SLC8A3: variants seen among roughly 807,000 people sequenced by gnomAD.
SLC8A3 encodes the protein solute carrier family 8 member A3, also known as sodium/calcium exchanger 3.
SLC8A3 carries 37 observed loss-of-function variants against 65.4 expected under a neutral mutation model. That is an observed-to-expected ratio of 0.57 (90% CI 0.44 to 0.74). SLC8A3 has a LOEUF of 0.74. Ranked by LOEUF, SLC8A3 falls within the 30% of genes least tolerant of loss-of-function variation. SLC8A3 has a pLI of 0.00. For missense variants in SLC8A3, 1,112 were observed against 1,172.1 expected, an observed-to-expected ratio of 0.95 and a Z score of 0.75; for synonymous variants, 461 against 444.5, an observed-to-expected ratio of 1.04 and a Z score of -0.47.
intron 2 of SLC8A3, among the ~76,000 whole-genome samples, chr14:70,145,195 A>G (rs1895850949): frequency 1.3e-5 from 2 of 152,184 alleles, no homozygotes; most frequent in African/African-American, 4.8e-5. Context: ...CCCTCTTTCA[A>G]TTTCTTTTTT....
intron 2 of SLC8A3, among the ~76,000 whole-genome samples, chr14:70,090,026 A>G (rs2140053220): frequency 1.3e-5 from 2 of 151,696 alleles, no homozygotes; most frequent in East Asian, 3.9e-4. Context: ...TTTCTCCTGT[A>G]ACTACCCTTT....
chr14:70,109,179 C>T (rs2140134997), intron 2 of SLC8A3, among the ~76,000 whole-genome samples: 2 of 143,896 alleles, frequency 1.4e-5, no homozygotes, highest in East Asian at 2.0e-4. Context: ...AGCACAGTTA[C>T]TGGCATGCAG....
chr14:70,167,649 G>A lies in SLC8A3; in HGVS notation c.774C>T (p.Tyr258=), dbSNP rs760430449. The change falls in exon 2 of 7, where the codon TAC becomes TAT. Residue 258 remains tyrosine (Y), a synonymous_variant. Coordinates refer to ENST00000356921, the MANE Select transcript of SLC8A3 (RefSeq NM_182932.3). ...AWVADKRLLF[Y]KYMHKKYRTD... ...TGCGGTACTTTTTGTGCATGTATTT[G>A]TAGAAGAGCAGTCGTTTATCTGCCA... The A allele has an allele frequency of 7.4e-6, 12 of 1,614,008 alleles. No individual in the cohort carries two copies. Among genetic ancestry groups the A allele is most frequent in the Non-Finnish European group, 1.7e-6 (2 of 1,180,040 alleles).
chr14:70,077,339 T>C (rs922612096), intron 2 of SLC8A3, among the ~76,000 whole-genome samples: 2 of 152,196 alleles, frequency 1.3e-5, no homozygotes, highest in Non-Finnish European at 2.9e-5. Context: ...TTAAGTGGGA[T>C]CATCTTTGCA....
At chr14:70,047,035 G>A (rs1238643638) in intron 6 of SLC8A3, 1 of 152,164 alleles carries the variant, frequency 6.6e-6, no homozygotes, top group Non-Finnish European at 1.5e-5. Context: ...AGGTCACATA[G>A]GATGTTAGCA....
chr14:70,049,884 G>A (rs1887278338), intron 5 of SLC8A3, among the ~76,000 whole-genome samples: 1 of 152,234 alleles, frequency 6.6e-6, no homozygotes, highest in African/African-American at 2.4e-5. Context: ...AAAGCAGGAT[G>A]GGCCTTGATT....
At chr14:70,101,269 G>T (rs1310967019) in intron 2 of SLC8A3, among the ~76,000 whole-genome samples, 3 of 152,170 alleles carry the variant, frequency 2.0e-5, no homozygotes, top group African/African-American at 7.2e-5. Flanking sequence ...TATGTGATGG[G>T]GGATGAAATA....
intron 2 of SLC8A3, among the ~76,000 whole-genome samples, chr14:70,093,734 A>G (rs1184396728): frequency 2.0e-5 from 3 of 151,884 alleles, no homozygotes; most frequent in African/African-American, 7.3e-5. Flanking sequence ...TGTCCTCTTG[A>G]CTCAATTGTC....
chr14:70,057,374 G>T (rs977120050), intron 3 of SLC8A3, among the ~76,000 whole-genome samples: 21 of 152,192 alleles, frequency 1.4e-4, no homozygotes, highest in African/African-American at 5.1e-4. Context: ...CCGGGAGTTT[G>T]CGTGGAAGAG....
chr14:70,150,899 C>T (rs773559961), intron 2 of SLC8A3, among the ~76,000 whole-genome samples: 10 of 152,150 alleles, frequency 6.6e-5, no homozygotes, highest in Non-Finnish European at 1.5e-4. Flanking sequence ...GGTCAAAAAG[C>T]AGAAATGAGC....
In SLC8A3 at chr14:70,046,254, C is replaced by A; in HGVS notation, c.2459G>T (p.Gly820Val). 1 of 1,614,162 alleles carries A rather than the reference C, an allele frequency of 6.2e-7. No homozygotes were observed. ...CAGGAAGACATTGACGGCGTTGCTGCCCGTCACGTTGCCAATGGAGGCGTC... is the reference window on the plus strand; with the variant it reads ...CAGGAAGACATTGACGGCGTTGCTGACCGTCACGTTGCCAATGGAGGCGTC... ...YADASIGNVT[G>V]SNAVNVFLGI... The change falls in exon 7 of 7, where the codon GGC becomes GTC. Residue 820 changes from glycine to valine, a missense_variant. Physicochemically the swap from Gly to Val is moderately radical, Grantham distance 109. Coordinates refer to ENST00000356921, the MANE Select transcript of SLC8A3 (RefSeq NM_182932.3). The surrounding 1 kb of genome is among the most constrained non-coding windows in gnomAD (Gnocchi z 4.2).
chr14:70,085,714 A>G (rs1891383002), intron 2 of SLC8A3, among the ~76,000 whole-genome samples: 1 of 152,228 alleles, frequency 6.6e-6, no homozygotes, highest in Non-Finnish European at 1.5e-5. Flanking sequence ...GAAACTGGGA[A>G]GAGCCTCAAA....
chr14:70,143,710 T>G (rs1895719732), intron 2 of SLC8A3, among the ~76,000 whole-genome samples: 1 of 152,304 alleles, frequency 6.6e-6, no homozygotes, highest in Non-Finnish European at 1.5e-5. Flanking sequence ...GGTTTGGTTG[T>G]GCACCCATTG....
chr14:70,046,081 G>A lies in SLC8A3; in HGVS notation c.2632C>T (p.Arg878Trp), dbSNP rs767474033. 19 of 1,614,004 alleles carry A rather than the reference G, an allele frequency of 1.2e-5. No homozygotes were observed. Among genetic ancestry groups the A allele is most frequent in the East Asian group, 1.1e-4 (5 of 44,892 alleles). ...CCAAGCTCCCCTCCCAGGTGCGGCCGCCTTCGGTACAAGAGCACGCTGATG... is the reference window on the plus strand; with the variant it reads ...CCAAGCTCCCCTCCCAGGTGCGGCCACCTTCGGTACAAGAGCACGCTGATG... ...VCISVLLYRR[R>W]PHLGGELGGP... The change falls in exon 7 of 7, where the codon CGG becomes TGG. Residue 878 changes from arginine (R) to tryptophan (W), a missense_variant. Physicochemically the swap from Arg to Trp is moderately radical, Grantham distance 101 (BLOSUM62 -3). Coordinates refer to ENST00000356921, the MANE Select transcript of SLC8A3 (RefSeq NM_182932.3). The surrounding 1 kb of genome is among the most constrained non-coding windows in gnomAD (Gnocchi z 4.2).
At chr14:70,051,213 T>C (rs1415772309) in intron 4 of SLC8A3, 106 bp from the exon 5 acceptor site, 1 of 751,678 alleles carries the variant, frequency 1.3e-6, no homozygotes, top group African/African-American at 1.7e-5. Context: ...CAAGGTGTTC[T>C]GACAGTTACG....
chr14:70,186,081 G>A (rs928829866), intron 1 of SLC8A3, among the ~76,000 whole-genome samples: 6 of 152,194 alleles, frequency 3.9e-5, no homozygotes, highest in African/African-American at 1.4e-4. Context: ...GAGGAAGCCA[G>A]GGAAGTAATT....
At chr14:70,144,384 C>T (rs1019997824) in intron 2 of SLC8A3, among the ~76,000 whole-genome samples, 6 of 133,064 alleles carry the variant, frequency 4.5e-5, no homozygotes, top group Non-Finnish European at 9.3e-5. Flanking sequence ...AATCCCAGCA[C>T]TTTGGAAGGC....
intron 1 of SLC8A3, among the ~76,000 whole-genome samples, chr14:70,179,102 C>A (rs1882498721): frequency 6.6e-6 from 1 of 152,158 alleles, no homozygotes; most frequent in East Asian, 1.9e-4. Context: ...AGGACTTTTG[C>A]ATCTACTGTT....
chr14:70,155,679 C>T (rs1896534668), intron 2 of SLC8A3, among the ~76,000 whole-genome samples: 1 of 152,210 alleles, frequency 6.6e-6, no homozygotes, highest in South Asian at 2.1e-4. Context: ...CAATAGTAAG[C>T]TTTCTCAGAG....
Sources: gnomAD v4.1 joint callset for allele counts (sites outside exome capture counted in the v4.1 genomes callset) on GRCh38, gnomAD v4.1.1 for gene constraint, Gnocchi (gnomAD v3.1) non-coding constraint, MANE v1.5 for transcripts, NCBI Gene and HGNC (gene_info 2026-07-23, HGNC 2026-07-21) for gene names.